RCAN2: variants seen among roughly 807,000 people sequenced by gnomAD.
RCAN2 encodes calcipressin-2.
Under a neutral mutation model 23.6 loss-of-function variants are expected in RCAN2, and 9 were observed. The observed-to-expected ratio is 0.38, with a 90% CI of 0.23 to 0.67. RCAN2 has a LOEUF of 0.67. Among genes scored for constraint, RCAN2 ranks in the 30% least tolerant of loss-of-function variants. The probability of loss-of-function intolerance (pLI) is 0.51; values close to 1 mark genes in which losing one functional copy is unlikely to be tolerated. For missense variants in RCAN2, 273 were observed against 302.3 expected (o/e 0.90, Z 0.72); for synonymous variants, 109 against 115.7 (o/e 0.94, Z 0.37).
At chr6:46,228,933 C>T (rs1365782901) in intron 4 of RCAN2, among the ~76,000 whole-genome samples, 1 of 152,188 alleles carries the variant, frequency 6.6e-6, no homozygotes, top group East Asian at 1.9e-4. Flanking sequence ...ATGTTTAGTG[C>T]TTCCTTCAGG....
chr6:46,345,015 A>G (rs983977759), intron 2 of RCAN2, among the ~76,000 whole-genome samples: 9 of 123,490 alleles, frequency 7.3e-5, no homozygotes, highest in African/African-American at 2.0e-4. Context: ...ATCTATTTAA[A>G]TATACATAAA....
chr6:46,419,417 A>C (rs1766806993), intron 2 of RCAN2, among the ~76,000 whole-genome samples: 1 of 152,144 alleles, frequency 6.6e-6, no homozygotes, highest in Non-Finnish European at 1.5e-5. Flanking sequence ...TCATCCACAC[A>C]CAGAGTACCG....
rs989790467 is a variant in RCAN2 at position 46,447,343 on chromosome 6, TAGAGAGAGAATAG to T, written c.225+9396_225+9408del. The stretch of plus-strand genomic sequence containing the variant: ...AATATAAAGCAAATATTAATAGATC[TAGAGAGAGAATAG>T]AGAGAGAGAATAGAGAGAGAGACTG... On this transcript the variant is annotated intron_variant, in intron 2 of 4. Coordinates refer to ENST00000371374, the MANE Select transcript of RCAN2 (RefSeq NM_001251974.2). 2.2e-4 allele frequency among the ~76,000 whole-genome samples: 33 copies of T among 151,942 alleles called. 1 individual carries two copies. Among genetic ancestry groups the T allele is most frequent in the South Asian group, 1.9e-3 (9 of 4,830 alleles).
chr6:46,338,316 C>T (rs1478032433), intron 2 of RCAN2, among the ~76,000 whole-genome samples: 1 of 152,182 alleles, frequency 6.6e-6, no homozygotes, highest in Non-Finnish European at 1.5e-5. Flanking sequence ...CTGTCCTCAT[C>T]ACTGCTCCTG....
intron 2 of RCAN2, among the ~76,000 whole-genome samples, chr6:46,272,296 G>A (rs1448041663): frequency 1.3e-5 from 2 of 152,202 alleles, no homozygotes; most frequent in Admixed American, 6.5e-5. Flanking sequence ...TTACAAGGGC[G>A]TTCTACTTCT....
At chr6:46,484,776 C>T (rs1245370840) in intron 1 of RCAN2, among the ~76,000 whole-genome samples, 1 of 152,210 alleles carries the variant, frequency 6.6e-6, no homozygotes, top group Admixed American at 6.5e-5. Context: ...CTCATGTATG[C>T]TGAATCTACC....
chr6:46,478,631 T>C (rs1441001516), intron 1 of RCAN2, among the ~76,000 whole-genome samples: 1 of 152,110 alleles, frequency 6.6e-6, no homozygotes, highest in African/African-American at 2.4e-5. Context: ...GATCTAGTGC[T>C]CCAAAGTCTT....
intron 4 of RCAN2, among the ~76,000 whole-genome samples, chr6:46,242,394 C>T (rs1236569462): frequency 6.6e-6 from 1 of 152,204 alleles, no homozygotes; most frequent in Non-Finnish European, 1.5e-5. Context: ...CCTCTGGGGG[C>T]AGCCAGTCAG....
Position 46,285,463 on chromosome 6 carries a change from T to A in RCAN2, c.226-36567A>T, listed in dbSNP as rs115563151. Among the ~76,000 whole-genome samples, 148 of 152,300 alleles carry A rather than the reference T, an allele frequency of 9.7e-4. 2 individuals are homozygous for A. In the South Asian group the frequency reaches 0.011, roughly 11 times the overall value. On this transcript the variant is annotated intron_variant, in intron 2 of 4. Transcript: ENST00000371374. ...GCTGTTAGCAATGGCAATTGCAAAGTCGCAAATAAAGAGGTTCTAATCGAG... is the reference window on the plus strand; with the variant it reads ...GCTGTTAGCAATGGCAATTGCAAAGACGCAAATAAAGAGGTTCTAATCGAG...
intron 2 of RCAN2, among the ~76,000 whole-genome samples, chr6:46,360,595 A>C (rs1271784061): frequency 6.6e-6 from 1 of 151,922 alleles, no homozygotes; most frequent in Non-Finnish European, 1.5e-5. Flanking sequence ...GGAGACAAAA[A>C]ATCTTACTGA....
chr6:46,232,748 ATGCCAC>A (rs924837379), intron 4 of RCAN2, among the ~76,000 whole-genome samples: 1 of 141,628 alleles, frequency 7.1e-6, no homozygotes, highest in Admixed American at 7.9e-5. Flanking sequence ...AGCTGAGGTC[ATGCCAC>A]TGCACTCCAG....
intron 2 of RCAN2, among the ~76,000 whole-genome samples, chr6:46,386,833 G>C (rs538823212): frequency 6.6e-6 from 1 of 152,006 alleles, no homozygotes; most frequent in African/African-American, 2.4e-5. Flanking sequence ...GAGGCATCAC[G>C]CTACCTGACT....
intron 2 of RCAN2, among the ~76,000 whole-genome samples, chr6:46,258,865 C>T (rs1193463525): frequency 6.6e-6 from 1 of 151,990 alleles, no homozygotes; most frequent in Non-Finnish European, 1.5e-5. Flanking sequence ...CAAAATAACC[C>T]AAACACCTCC....
intron 2 of RCAN2, among the ~76,000 whole-genome samples, chr6:46,362,240 A>T (rs1765038600): frequency 6.6e-6 from 1 of 152,106 alleles, no homozygotes; most frequent in East Asian, 1.9e-4. Context: ...GGAAAAAAAT[A>T]TCGTCTTTTT....
chr6:46,237,397 C>A (rs1264240911), intron 4 of RCAN2, among the ~76,000 whole-genome samples: 1 of 152,142 alleles, frequency 6.6e-6, no homozygotes, highest in Admixed American at 6.5e-5. Context: ...GGAAGAAGAT[C>A]CTCTACATTC....
At chr6:46,277,916 A>G (rs539992097) in intron 2 of RCAN2, among the ~76,000 whole-genome samples, 1 of 152,306 alleles carries the variant, frequency 6.6e-6, no homozygotes, top group African/African-American at 2.4e-5. Context: ...TCAGGTCACT[A>G]TTCTGACTTA....
chr6:46,242,966 T>C (rs1473438246), intron 4 of RCAN2, among the ~76,000 whole-genome samples: 1 of 152,212 alleles, frequency 6.6e-6, no homozygotes, highest in Non-Finnish European at 1.5e-5. Flanking sequence ...GAATGAAACA[T>C]GCATTCTTTC....
chr6:46,472,447 A>G (rs1768582882), intron 1 of RCAN2, among the ~76,000 whole-genome samples: 1 of 152,176 alleles, frequency 6.6e-6, no homozygotes, highest in Non-Finnish European at 1.5e-5. Flanking sequence ...GTCCCTTTGT[A>G]GTGCCTGTGT....
chr6:46,321,216 C>G (rs1186985369), intron 2 of RCAN2, among the ~76,000 whole-genome samples: 1 of 152,200 alleles, frequency 6.6e-6, no homozygotes, highest in Non-Finnish European at 1.5e-5. Flanking sequence ...CATCAATGCT[C>G]TATCTCTCAC....
Sources: allele counts gnomAD v4.1 joint callset (sites outside exome capture counted in the v4.1 genomes callset), GRCh38; gene constraint gnomAD v4.1.1; transcripts MANE v1.5; gene names NCBI Gene and HGNC (gene_info 2026-07-23, HGNC 2026-07-21).